Variants in SCRN2 observed in about 807,000 individuals in gnomAD.
The protein encoded by SCRN2 is secernin-2.
A neutral mutation model predicts 40.1 loss-of-function variants in SCRN2; 30 were observed. That is an observed-to-expected ratio of 0.75 (90% CI 0.56 to 1.01). The LOEUF (loss-of-function observed/expected upper bound fraction) is 1.01. SCRN2 is among the 50% of genes least tolerant of loss of function. The probability of loss-of-function intolerance (pLI) is 0.00; values close to 1 mark genes in which losing one functional copy is unlikely to be tolerated. For synonymous variants in SCRN2, 240 were observed against 233.5 expected (o/e 1.03, Z -0.25); for missense variants, 526 against 564.9 (o/e 0.93, Z 0.70).
rs1281597324 is a variant in SCRN2, at chr17:47,837,806, G to A, written c.*38C>T. On this transcript the variant is annotated 3_prime_UTR_variant, in exon 8 of 8. Coordinates refer to ENST00000290216, the MANE Select transcript of SCRN2 (RefSeq NM_138355.4). Reference sequence around the variant, plus strand: ...CACTCAGGGCACCCAGGCCCCAGGGGTCCTGGGTCCACCCCAGGCCAGCAG... The same window carrying A: ...CACTCAGGGCACCCAGGCCCCAGGGATCCTGGGTCCACCCCAGGCCAGCAG... 8 of 1,558,878 alleles carry A rather than the reference G, an allele frequency of 5.1e-6. No homozygotes were observed. The highest frequency in any genetic ancestry group is 2.3e-5 in the East Asian group (1 of 43,532).
In SCRN2 at chr17:47,840,676, C is replaced by T. The variant is rs752681243; in HGVS notation, c.168G>A (p.Arg56=). 8.7e-6 allele frequency: 14 copies of T among 1,601,902 alleles called. No homozygotes were observed. Among genetic ancestry groups the T allele is most frequent in the South Asian group, 1.1e-5 (1 of 89,918 alleles). Reference sequence around the variant, plus strand: ...CCCATAAAGTCTAACCCACCTGGAGCCGGCTCCCAGGAGTGTGAGTGCCTG... The same window carrying T: ...CCCATAAAGTCTAACCCACCTGGAGTCGGCTCCCAGGAGTGTGAGTGCCTG... ...VPAGTHTPGS[R]LQCTYIEVEQ... is the part of the protein sequence containing the mutation. Residue 56 remains arginine, a synonymous_variant, in exon 2 of 8, where the codon CGG becomes CGA. Transcript: ENST00000290216.
Position 47,838,820 on chromosome 17 carries a change from G to A in SCRN2, c.743C>T (p.Ala248Val), listed in dbSNP as rs1484272754. The part of the protein sequence containing the change: ...RMEAAKARFQ[A>V]GRELLRQRQG... ...CCGTTGCCGCAGCAGCTCCCGCCCT[G>A]CCTGGAAGCGGGCCTTGGCAGCCTC... The change falls in exon 5 of 8, where the codon GCA becomes GTA. Residue 248 changes from alanine (A) to valine (V), a missense_variant. Ala to Val is a moderately conservative substitution (Grantham distance 64). Transcript: ENST00000290216. 1 of 1,613,304 alleles carries A rather than the reference G, an allele frequency of 6.2e-7. No homozygotes were observed. The highest frequency in any genetic ancestry group is 8.5e-7 in the Non-Finnish European group (1 of 1,180,028).
Position 47,838,523 on chromosome 17 carries a change from C to A in SCRN2, c.938+8G>T. The A allele has an allele frequency of 6.2e-7, 1 of 1,614,036 alleles. No individual in the cohort carries two copies. The highest frequency in any genetic ancestry group is 8.5e-7 in the Non-Finnish European group (1 of 1,179,992). ...CTCCCCAGCCTTCCCCACCCTCATT[C>A]TTCCCACCTGGATGGGTCTGGCGTG... On this transcript the variant is annotated splice_region_variant and intron_variant, in intron 6 of 7. Coordinates refer to ENST00000290216, the MANE Select transcript of SCRN2 (RefSeq NM_138355.4).
In SCRN2 at chr17:47,839,651, AAG is replaced by A. The variant is rs754488928; in HGVS notation, c.357-10_357-9del. The A allele has an allele frequency of 1.9e-6, 3 of 1,613,824 alleles. No homozygotes were observed. The highest frequency in any genetic ancestry group is 2.5e-6 in the Non-Finnish European group (3 of 1,179,968). On this transcript the variant is annotated splice_polypyrimidine_tract_variant and intron_variant, in intron 3 of 7. Transcript: ENST00000290216. ...CTCCGTTCCAAAGCCAGCCTGGCAA[AAG>A]AGAGGGCCAAGGGACAGAAGGGTGA...
Position 47,840,666 on chromosome 17 carries a change from C to A in SCRN2, c.174+4G>T, listed in dbSNP as rs2033802771. 1.3e-6 allele frequency: 2 copies of A among 1,598,770 alleles called. No individual in the cohort carries two copies. Among genetic ancestry groups the A allele is most frequent in the South Asian group, 2.2e-5 (2 of 89,510 alleles). ...CTCCCAGCACCCCATAAAGTCTAAC[C>A]CACCTGGAGCCGGCTCCCAGGAGTG... On this transcript the variant is annotated splice_donor_region_variant and intron_variant, in intron 2 of 7. Transcript: ENST00000290216.
chr17:47,838,534 G>A lies in SCRN2; in HGVS notation c.935C>T (p.Ser312Phe), dbSNP rs1420985972. Residue 312 changes from serine (S) to phenylalanine (F), a missense_variant, in exon 6 of 8, where the codon TCC becomes TTC. Physicochemically the swap from Ser to Phe is radical, Grantham distance 155. Coordinates refer to ENST00000290216, the MANE Select transcript of SCRN2 (RefSeq NM_138355.4). Reference protein sequence around the residue: ...VHFLTATPDPSRSVFKPFIFG... With the variant: ...VHFLTATPDPFRSVFKPFIFG... ...TCCCCACCCTCATTCTTCCCACCTG[G>A]ATGGGTCTGGCGTGGCGGTAAGAAA... The A allele has an allele frequency of 6.2e-7, 1 of 1,613,916 alleles. No homozygotes were observed. The highest frequency in any genetic ancestry group is 2.2e-5 in the East Asian group (1 of 44,890).
rs575575464 is a variant in SCRN2, at chr17:47,838,966, C to A, written c.597G>T (p.Thr199=). 1.2e-6 allele frequency: 2 copies of A among 1,613,924 alleles called. No homozygotes were observed. The highest frequency in any genetic ancestry group is 1.7e-6 in the Non-Finnish European group (2 of 1,180,054). Reference sequence around the variant, plus strand: ...GCTCCGGGTGTTGGGCCGAGATGTCCGTGCCAATGCTCAGCTGGTTGGAGA... The same window carrying A: ...GCTCCGGGTGTTGGGCCGAGATGTCAGTGCCAATGCTCAGCTGGTTGGAGA... ...RNISNQLSIG[T]DISAQHPELR... The change falls in exon 5 of 8, where the codon ACG becomes ACT. Residue 199 remains threonine, a synonymous_variant. Coordinates refer to ENST00000290216, the MANE Select transcript of SCRN2 (RefSeq NM_138355.4).
chr17:47,838,213 TGGGAGTGG>T, intron 7 of SCRN2, 49 bp downstream of exon 7: 1 of 1,568,282 alleles, frequency 6.4e-7, no homozygotes, highest in Non-Finnish European at 8.6e-7. Flanking sequence ...AGAGTCCCAC[TGGGAGTGG>T]GGGAGGTCTA....
In SCRN2 at chr17:47,840,311, G is replaced by A. The variant is rs760236168; in HGVS notation, c.236C>T (p.Ser79Phe). Residue 79 changes from serine (S) to phenylalanine (F), a missense_variant, in exon 3 of 8, where the codon TCT becomes TTT. Physicochemically the swap from Ser to Phe is radical, Grantham distance 155. Coordinates refer to ENST00000290216, the MANE Select transcript of SCRN2 (RefSeq NM_138355.4). ...GCCCATCTCAGCCCCCCATAGCCAA[G>A]AAGGACGGCTCAGAATCACAGCGTG... The part of the protein sequence containing the change: ...KTHAVILSRP[S>F]WLWGAEMGAN... The A allele has an allele frequency of 3.7e-6, 6 of 1,614,102 alleles. 1 individual carries two copies. The Admixed American group carries it at 1.0e-4, about 27-fold the overall frequency.
chr17:47,839,893 G>A (rs1021201771), intron 3 of SCRN2: 1 of 597,384 alleles, frequency 1.7e-6, no homozygotes, highest in Non-Finnish European at 3.0e-6. Context: ...AGTGTCCTGA[G>A]CCCCTAACCT....
chr17:47,840,890 C>G (rs531409478), intron 1 of SCRN2, 47 bp from the exon 2 acceptor site: 12 of 1,432,000 alleles, frequency 8.4e-6, no homozygotes, highest in East Asian at 2.6e-5. Context: ...GGCTCAGCCC[C>G]GAGGAGCAGC....
rs199783567 is a variant in SCRN2 at position 47,838,797 on chromosome 17, G to A, written c.766C>T (p.Arg256Trp). Reference protein sequence around the residue: ...FQAGRELLRQRQGGITAEVMM... With the variant: ...FQAGRELLRQWQGGITAEVMM... ...CCCTCCACCGTTCACTAACCTTGCCGTTGCCGCAGCAGCTCCCGCCCTGCC... is the reference window on the plus strand; with the variant it reads ...CCCTCCACCGTTCACTAACCTTGCCATTGCCGCAGCAGCTCCCGCCCTGCC... Residue 256 changes from arginine to tryptophan, a missense_variant, in exon 5 of 8, where the codon CGG (arginine) becomes TGG (tryptophan). Arg to Trp is a moderately radical substitution (Grantham distance 101). Transcript: ENST00000290216. 1.2e-4 allele frequency: 187 copies of A among 1,612,606 alleles called. No individual in the cohort carries two copies. Among genetic ancestry groups the A allele is most frequent in the East Asian group, 6.7e-5 (3 of 44,892 alleles).
intron 2 of SCRN2, 41 bp from the exon 3 acceptor site, chr17:47,840,413 G>A (rs1267592160): frequency 1.2e-6 from 2 of 1,604,814 alleles, no homozygotes; most frequent in East Asian, 2.2e-5. Flanking sequence ...CACTCATAGA[G>A]GGGCGGCCCC....
At chr17:47,838,481 AT>A in intron 6 of SCRN2, 31 bp from the exon 7 acceptor site, 1 of 1,613,754 alleles carries the variant, frequency 6.2e-7, no homozygotes, top group Non-Finnish European at 8.5e-7. Flanking sequence ...GCACGGAGAT[AT>A]ATCAGATCCT....
At chr17:47,840,018 G>C (rs1297512449) in intron 3 of SCRN2, 173 bp downstream of exon 3, 1 of 623,230 alleles carries the variant, frequency 1.6e-6, no homozygotes, top group African/African-American at 1.8e-5. Context: ...GGCCAGGAGA[G>C]GCCCAAAGGT....
At chr17:47,838,063 G>C in intron 7 of SCRN2, 61 bp from the exon 8 acceptor site, 1 of 1,580,206 alleles carries the variant, frequency 6.3e-7, no homozygotes, top group South Asian at 1.1e-5. Context: ...AGGTGAAGGG[G>C]GGACTGTGTA....
chr17:47,840,338 G>T lies in SCRN2; in HGVS notation c.209C>A (p.Thr70Lys), dbSNP rs371057387. Residue 70 changes from threonine (T) to lysine (K), a missense_variant, in exon 3 of 8, where the codon ACG (threonine) becomes AAG (lysine). Transcript: ENST00000290216. ...TYIEVEQVSK[T>K]HAVILSRPSW... Reference sequence around the variant, plus strand: ...AGGACGGCTCAGAATCACAGCGTGCGTCTTCGACACCTGTTCCACTTCAAT... The same window carrying T: ...AGGACGGCTCAGAATCACAGCGTGCTTCTTCGACACCTGTTCCACTTCAAT... 6.2e-7 allele frequency: 1 copy of T among 1,614,124 alleles called. No homozygotes were observed. The highest frequency in any genetic ancestry group is 1.3e-5 in the African/African-American group (1 of 75,056).
At chr17:47,839,313 G>C in intron 4 of SCRN2, 131 bp downstream of exon 4, 1 of 931,292 alleles carries the variant, frequency 1.1e-6, no homozygotes, top group Admixed American at 2.4e-5. Context: ...AAGTGAAGGG[G>C]AGGAGAATTC....
chr17:47,840,470 G>T, intron 2 of SCRN2, 98 bp from the exon 3 acceptor site: 1 of 1,389,880 alleles, frequency 7.2e-7, no homozygotes, highest in East Asian at 2.4e-5. Flanking sequence ...CTTTGAGGAA[G>T]GTCTCATTCC....
Sources: allele counts gnomAD v4.1 joint callset, GRCh38; gene constraint gnomAD v4.1.1; transcripts MANE v1.5; gene names NCBI Gene and HGNC (gene_info 2026-07-23, HGNC 2026-07-21).